Variants in NALCN observed in about 807,000 individuals in gnomAD.
The protein encoded by NALCN is sodium leak channel NALCN.
In NALCN, 111 loss-of-function variants were observed where a neutral mutation model predicts 225.3. That is an observed-to-expected ratio of 0.49 (90% CI 0.42 to 0.58). The LOEUF is 0.58. NALCN is among the 20% of genes least tolerant of loss of function. NALCN has a pLI of 0.00. For synonymous variants in NALCN, 764 were observed against 769.0 expected, an observed-to-expected ratio of 0.99 and a Z score of 0.11; for missense variants, 1,378 against 2,202.4, an observed-to-expected ratio of 0.63 and a Z score of 7.49.
chr13:101,234,225 T>C (rs1594494588), intron 12 of NALCN, among the ~76,000 whole-genome samples: 2 of 152,358 alleles, frequency 1.3e-5, no homozygotes, highest in East Asian at 3.9e-4. Context: ...GCCTTTAGAA[T>C]TTCAGCTTCA....
chr13:101,081,634 T>C lies in NALCN; in HGVS notation c.3778A>G (p.Ile1260Val). The change falls in exon 34 of 44, where the codon ATC (isoleucine) becomes GTC (valine). Residue 1260 changes from isoleucine (I) to valine (V), a missense_variant. By Grantham distance (29) the Ile-to-Val change is conservative. Around this residue, in one of 19 missense-constraint regions of NALCN, gnomAD observed 98 missense variants for 156.6 expected, o/e 0.63. Coordinates refer to ENST00000251127, the MANE Select transcript of NALCN (RefSeq NM_052867.4). ...AAGCCAGCAGGCGACATTGCTATGA[T>C]CTTCATGGTAACCTGGAGAAAAAGC... is the stretch of plus-strand genomic sequence containing the variant. ...FIFVLEVTMKIIAMSPAGFWQ... is the reference protein window; with the variant it reads ...FIFVLEVTMKVIAMSPAGFWQ... The C allele has an allele frequency of 2.5e-6, 4 of 1,614,096 alleles. No homozygotes were observed. The highest frequency in any genetic ancestry group is 3.4e-6 in the Non-Finnish European group (4 of 1,179,974).
chr13:101,110,581 T>G, intron 20 of NALCN, 38 bp downstream of exon 20: 1 of 1,597,840 alleles, frequency 6.3e-7, no homozygotes, highest in Non-Finnish European at 8.6e-7. Context: ...ATTTTCATAA[T>G]CACGTTTCTG....
intron 14 of NALCN, among the ~76,000 whole-genome samples, chr13:101,176,875 G>T (rs2038979509): frequency 6.6e-6 from 1 of 152,192 alleles, no homozygotes; most frequent in African/African-American, 2.4e-5. Context: ...CTCCAGCGTT[G>T]TTCTAGACTC....
At chr13:101,376,154 C>CT (rs1177595301) in intron 6 of NALCN, among the ~76,000 whole-genome samples, 5 of 152,106 alleles carry the variant, frequency 3.3e-5, no homozygotes, top group African/African-American at 4.8e-5. Context: ...TAAAAATGAG[C>CT]TTTTTTTCCC....
In NALCN at chr13:101,074,598, A is replaced by G. The variant is rs1413233870; in HGVS notation, c.4019T>C (p.Val1340Ala). ...VSMYKSFFII[V>A]GMFLLLLCYA... Reference sequence around the variant, plus strand: ...ACACAGCAGCAAGAGAAACATGCCTACTATGATAAAGAAGCTCTTGTACAT... The same window carrying G: ...ACACAGCAGCAAGAGAAACATGCCTGCTATGATAAAGAAGCTCTTGTACAT... The change falls in exon 36 of 44, where the codon GTA (valine) becomes GCA (alanine). Residue 1340 changes from valine (V) to alanine (A), a missense_variant. Coordinates refer to ENST00000251127, the MANE Select transcript of NALCN (RefSeq NM_052867.4). 1.2e-6 allele frequency: 2 copies of G among 1,613,776 alleles called. No homozygotes were observed. The highest frequency in any genetic ancestry group is 1.7e-6 in the Non-Finnish European group (2 of 1,179,984).
intron 1 of NALCN, among the ~76,000 whole-genome samples, chr13:101,414,356 T>G (rs1451594916): frequency 6.6e-6 from 1 of 152,210 alleles, no homozygotes; most frequent in Admixed American, 6.5e-5. Context: ...TCTGGCCCAG[T>G]GCTTAGCTTA....
At chr13:101,267,426 C>G (rs951314447) in intron 10 of NALCN, among the ~76,000 whole-genome samples, 1 of 152,134 alleles carries the variant, frequency 6.6e-6, no homozygotes, top group East Asian at 1.9e-4. Context: ...AACCCAGTGG[C>G]CTCCAATTGA....
intron 28 of NALCN, among the ~76,000 whole-genome samples, chr13:101,090,775 A>C (rs1020711555): frequency 6.6e-6 from 1 of 152,158 alleles, no homozygotes; most frequent in African/African-American, 2.4e-5. Flanking sequence ...GGTGTATTGC[A>C]TAATGCTGGG....
rs1328368116 is a variant in NALCN, at chr13:101,376,680, C to T, written c.644+20G>A. 6.3e-7 allele frequency: 1 copy of T among 1,578,464 alleles called. No individual in the cohort carries two copies. On this transcript the variant is annotated intron_variant, in intron 6 of 43. Transcript: ENST00000251127. The stretch of plus-strand genomic sequence containing the variant: ...TTTGTTAATCAACTAGATTAAAATG[C>T]AGTTAATAGATAAACTTACCCTGGC...
intron 22 of NALCN, 45 bp downstream of exon 22, chr13:101,107,442 T>C (rs777141183): frequency 6.2e-7 from 1 of 1,612,594 alleles, no homozygotes; most frequent in Non-Finnish European, 8.5e-7. Flanking sequence ...CCCTGCTGTT[T>C]GCATGGCTCA....
At chr13:101,287,204 C>T (rs1056305541) in intron 9 of NALCN, among the ~76,000 whole-genome samples, 6 of 152,124 alleles carry the variant, frequency 3.9e-5, no homozygotes, top group Admixed American at 1.3e-4. Flanking sequence ...TACATATTGC[C>T]AAACGGTTTT....
chr13:101,121,540 C>T (rs2035973281), intron 18 of NALCN, among the ~76,000 whole-genome samples: 3 of 152,200 alleles, frequency 2.0e-5, no homozygotes, highest in South Asian at 4.2e-4. Flanking sequence ...TTACTTACCT[C>T]CCTGGCGAGG....
chr13:101,344,193 G>A (rs1052395621), intron 7 of NALCN, among the ~76,000 whole-genome samples: 6 of 152,190 alleles, frequency 3.9e-5, no homozygotes, highest in Non-Finnish European at 7.3e-5. Context: ...TTTTGAGACA[G>A]AGGGAAGGAT....
chr13:101,164,197 A>G (rs994464584), intron 15 of NALCN, among the ~76,000 whole-genome samples: 13 of 152,142 alleles, frequency 8.5e-5, no homozygotes, highest in African/African-American at 2.7e-4. Context: ...GAGAACATCA[A>G]TTCTAACAGG....
chr13:101,398,874 G>T, intron 2 of NALCN, 145 bp downstream of exon 2: 1 of 570,278 alleles, frequency 1.8e-6, no homozygotes, highest in South Asian at 1.9e-5. Context: ...TCATTGGATT[G>T]TTCTCTACTT....
chr13:101,411,148 G>A (rs115627718), intron 1 of NALCN, among the ~76,000 whole-genome samples: 3,533 of 152,064 alleles, frequency 0.023, 64 homozygotes, highest in South Asian at 0.045. Flanking sequence ...CAGATTTAGA[G>A]TTTATCTATG....
At chr13:101,319,614 C>A (rs920795412) in intron 7 of NALCN, among the ~76,000 whole-genome samples, 6 of 151,880 alleles carry the variant, frequency 4.0e-5, no homozygotes, top group African/African-American at 1.5e-4. Context: ...CATTTTCAAA[C>A]ATTTATGAAA....
chr13:101,226,862 T>C (rs1277711522), intron 13 of NALCN, among the ~76,000 whole-genome samples: 1 of 152,192 alleles, frequency 6.6e-6, no homozygotes, highest in Non-Finnish European at 1.5e-5. Flanking sequence ...AGGGCCCAGA[T>C]GAGGCACTTT....
intron 40 of NALCN, among the ~76,000 whole-genome samples, chr13:101,064,397 T>C (rs372960287): frequency 6.6e-6 from 1 of 152,190 alleles, no homozygotes; most frequent in East Asian, 1.9e-4. Context: ...AAAAGATATG[T>C]TGGAGTCCTA....
Sources: gnomAD v4.1 joint callset for allele counts (sites outside exome capture counted in the v4.1 genomes callset) on GRCh38, gnomAD v4.1.1 for gene constraint, gnomAD v4.1.1 regional missense constraint, MANE v1.5 for transcripts, NCBI Gene and HGNC (gene_info 2026-07-23, HGNC 2026-07-21) for gene names.